The following CSTF3 variants were observed in gnomAD, a reference collection of about 807,000 sequenced individuals.
CSTF3 encodes the protein cleavage stimulation factor subunit 3, also known as CF-1 77 kDa subunit.
In CSTF3, 29 loss-of-function variants were observed where a neutral mutation model predicts 105.8. That is an observed-to-expected ratio of 0.27 (90% confidence interval 0.20 to 0.37). CSTF3 has a LOEUF of 0.37. CSTF3 is among the 10% of genes least tolerant of loss of function. CSTF3 has a pLI of 1.00. For missense variants in CSTF3, 357 were observed against 879.3 expected (o/e 0.41, Z 7.51); for synonymous variants, 252 against 281.9 (o/e 0.89, Z 1.06).
Position 33,126,695 on chromosome 11 carries a change from T to C in CSTF3, c.225+14972A>G, listed in dbSNP as rs575115714. ...TATAAACTGAAATAACTCATTTTAC[T>C]TTTTTTGAGACCTTTGAATTTTTAG... is the stretch of plus-strand genomic sequence containing the variant. On this transcript the variant is annotated intron_variant, in intron 3 of 20. Coordinates refer to ENST00000323959, the MANE Select transcript of CSTF3 (RefSeq NM_001326.3). Among the ~76,000 whole-genome samples the C allele has an allele frequency of 5.9e-5, 9 of 152,298 alleles. No homozygotes were observed. In the South Asian group the frequency reaches 1.9e-3, roughly 32 times the overall value.
rs537308884 is a variant in CSTF3, at chr11:33,113,426, G to T, written c.226-5008C>A. On this transcript the variant is annotated intron_variant, in intron 3 of 20. Coordinates refer to ENST00000323959, the MANE Select transcript of CSTF3 (RefSeq NM_001326.3). ...GGCTGCTTGGGAGGCTGAGGTGGGA[G>T]GATTGCTTGAGCCCAGAAGTTTAAG... Among the ~76,000 whole-genome samples the T allele has an allele frequency of 2.0e-5, 3 of 152,098 alleles. No individual in the cohort carries two copies. In the South Asian group the frequency reaches 6.2e-4, roughly 32 times the overall value.
At chr11:33,142,684 TAAAAC>T (rs1855727964) in intron 1 of CSTF3, among the ~76,000 whole-genome samples, 1 of 152,192 alleles carries the variant, frequency 6.6e-6, no homozygotes, top group Non-Finnish European at 1.5e-5. Flanking sequence ...TATTAGAAAT[TAAAAC>T]AAATTTAAAT....
At chr11:33,094,585 CTA>C (rs966108411) in intron 15 of CSTF3, among the ~76,000 whole-genome samples, 13 of 151,958 alleles carry the variant, frequency 8.6e-5, no homozygotes, top group African/African-American at 2.7e-4. Context: ...ATACTAGTAA[CTA>C]TTTTAAAAAA....
intron 3 of CSTF3, among the ~76,000 whole-genome samples, chr11:33,110,163 A>AT (rs2133780114): frequency 6.6e-6 from 1 of 152,136 alleles, no homozygotes; most frequent in Non-Finnish European, 1.5e-5. Context: ...ATGTGCTATT[A>AT]TTTTTTCCTG....
intron 13 of CSTF3, 127 bp downstream of exon 13, chr11:33,098,563 A>G: frequency 1.7e-6 from 1 of 598,980 alleles, no homozygotes; most frequent in South Asian, 2.4e-5. Flanking sequence ...TCCCATACTC[A>G]ATGTTATTTG....
intron 10 of CSTF3, 61 bp downstream of exon 10, chr11:33,102,116 G>A (rs1855286713): frequency 7.0e-7 from 1 of 1,433,660 alleles, no homozygotes; most frequent in African/African-American, 1.4e-5. Context: ...AGTAACCTAT[G>A]GGGATACCAA....
rs1011179366 is a variant in CSTF3, at chr11:33,088,142, TTCTC to T, written c.1642-1005_1642-1002del. On this transcript the variant is annotated intron_variant, in intron 17 of 20. Transcript: ENST00000323959. ...ATTGGGTATCGCTTTTTAAAAATCT[TTCTC>T]ACAGATACATACATACCATACCACC... Among the ~76,000 whole-genome samples, 3 of 152,162 alleles carry T rather than the reference TTCTC, an allele frequency of 2.0e-5. 1 individual carries two copies. The highest frequency in any genetic ancestry group is 2.0e-4 in the Admixed American group (3 of 15,274).
intron 1 of CSTF3, among the ~76,000 whole-genome samples, chr11:33,153,115 T>C (rs1187286610): frequency 6.8e-6 from 1 of 148,084 alleles, no homozygotes; most frequent in Non-Finnish European, 1.5e-5. Flanking sequence ...TTTTCCAAAA[T>C]AAAAAAAAAA....
intron 1 of CSTF3, among the ~76,000 whole-genome samples, chr11:33,148,718 C>T (rs1855817275): frequency 6.6e-6 from 1 of 151,806 alleles, no homozygotes; most frequent in South Asian, 2.1e-4. Context: ...ACTATGCTCT[C>T]TAGTTGGTTG....
intron 1 of CSTF3, among the ~76,000 whole-genome samples, chr11:33,157,751 G>T (rs1357752415): frequency 1.3e-5 from 2 of 151,832 alleles, no homozygotes; most frequent in Non-Finnish European, 2.9e-5. Flanking sequence ...CTACAAACTT[G>T]AACTTCAATG....
chr11:33,129,411 C>T lies in CSTF3; in HGVS notation c.225+12256G>A, dbSNP rs1418954338. 7.3e-4 allele frequency among the ~76,000 whole-genome samples: 110 copies of T among 149,664 alleles called. 1 individual carries two copies. Among genetic ancestry groups the T allele is most frequent in the Admixed American group, 1.3e-3 (19 of 15,098 alleles). Reference sequence around the variant, plus strand: ...CCGGCCTACTTTTTTTTTTTTTTACCTATATCCACATAAAAACCTATAAAA... The same window carrying T: ...CCGGCCTACTTTTTTTTTTTTTTACTTATATCCACATAAAAACCTATAAAA... On this transcript the variant is annotated intron_variant, in intron 3 of 20. Coordinates refer to ENST00000323959, the MANE Select transcript of CSTF3 (RefSeq NM_001326.3).
intron 3 of CSTF3, among the ~76,000 whole-genome samples, chr11:33,137,146 T>C (rs888064809): frequency 5.3e-5 from 8 of 151,856 alleles, no homozygotes; most frequent in Non-Finnish European, 1.0e-4. Flanking sequence ...TGACCATATA[T>C]TTTCAATGTG....
rs1231942759 is a variant in CSTF3, at chr11:33,102,301, A to G, written c.702T>C (p.Ala234=). ...GAGTATTCTGAGGAGGCACCGAGGG[A>G]GCATTACGGTCCAAGCCTTTCATTA... ...ETVMKGLDRN[A]PSVPPQNTPQ... Residue 234 remains alanine (A), a synonymous_variant, in exon 10 of 21, where the codon GCT becomes GCC. Transcript: ENST00000323959. 6.2e-7 allele frequency: 1 copy of G among 1,614,018 alleles called. No individual in the cohort carries two copies. The highest frequency in any genetic ancestry group is 1.1e-5 in the South Asian group (1 of 91,078).
At chr11:33,121,490 G>A (rs555165631) in intron 3 of CSTF3, among the ~76,000 whole-genome samples, 2 of 152,120 alleles carry the variant, frequency 1.3e-5, no homozygotes, top group Non-Finnish European at 2.9e-5. Flanking sequence ...TTTATAGTTT[G>A]AAATGTTTGT....
chr11:33,090,475 C>T (rs922113882), intron 17 of CSTF3, 57 bp downstream of exon 17: 1 of 1,058,242 alleles, frequency 9.4e-7, no homozygotes, highest in Non-Finnish European at 1.3e-6. Context: ...TATCAATGAA[C>T]TCTTCTAAAA....
At position 33,097,376 on chromosome 11, in the gene CSTF3, G is replaced by GT. The variant is rs559195635; in HGVS notation, c.1129-399dup. On this transcript the variant is annotated intron_variant, in intron 13 of 20. Coordinates refer to ENST00000323959, the MANE Select transcript of CSTF3 (RefSeq NM_001326.3). ...AATACAAGCACGTCTTACAATACAT[G>GT]TTTTTTTTTTTGAGACGGAGTCTCG... Among the ~76,000 whole-genome samples, 1,463 of 148,460 alleles carry GT rather than the reference G, an allele frequency of 9.9e-3. 19 individuals carry two copies. The highest frequency in any genetic ancestry group is 0.03 in the African/African-American group (1,240 of 40,670).
chr11:33,133,412 C>T (rs777621772), intron 3 of CSTF3, among the ~76,000 whole-genome samples: 2 of 152,154 alleles, frequency 1.3e-5, no homozygotes, highest in Non-Finnish European at 2.9e-5. Flanking sequence ...CTGGTCAACA[C>T]CTGAACCACA....
At chr11:33,111,365 C>T (rs1053788083) in intron 3 of CSTF3, among the ~76,000 whole-genome samples, 1 of 152,210 alleles carries the variant, frequency 6.6e-6, no homozygotes, top group South Asian at 2.1e-4. Flanking sequence ...ATGATGCATT[C>T]GCATCATGGA....
rs1478588012 is a variant in CSTF3, at chr11:33,137,339, T to C, written c.225+4328A>G. On this transcript the variant is annotated intron_variant, in intron 3 of 20. Coordinates refer to ENST00000323959, the MANE Select transcript of CSTF3 (RefSeq NM_001326.3). Reference sequence around the variant, plus strand: ...ATTTAAAGAAATGTCATTATCTAAGTGACTACATCCTTTTGAAAGTAGTTG... The same window carrying C: ...ATTTAAAGAAATGTCATTATCTAAGCGACTACATCCTTTTGAAAGTAGTTG... Among the ~76,000 whole-genome samples, 3 of 151,924 alleles carry C rather than the reference T, an allele frequency of 2.0e-5. No homozygotes were observed. In the South Asian group the frequency reaches 6.2e-4, roughly 31 times the overall value.
Sources: gnomAD v4.1 joint callset for allele counts (sites outside exome capture counted in the v4.1 genomes callset) on GRCh38, gnomAD v4.1.1 for gene constraint, MANE v1.5 for transcripts, NCBI Gene and HGNC (gene_info 2026-07-23, HGNC 2026-07-21) for gene names.